AGBL4: variants seen among roughly 807,000 people sequenced by gnomAD.
AGBL4 encodes the protein cytosolic carboxypeptidase 6.
Under a neutral mutation model 66.4 loss-of-function variants are expected in AGBL4, and 58 were observed. The observed-to-expected ratio is 0.87, with a 90% confidence interval of 0.71 to 1.09. The LOEUF (loss-of-function observed/expected upper bound fraction) is 1.09, where lower values mean the gene tolerates loss of function less well. AGBL4 is among the 50% of genes least tolerant of loss of function. The probability of loss-of-function intolerance (pLI) is 0.00; values close to 1 mark genes in which losing one functional copy is unlikely to be tolerated. For missense variants in AGBL4, 579 were observed against 631.0 expected (o/e 0.92, Z 0.88); for synonymous variants, 234 against 222.9 (o/e 1.05, Z -0.44).
intron 6 of AGBL4, among the ~76,000 whole-genome samples, chr1:48,763,221 C>T (rs75373427): frequency 3.9e-5 from 6 of 152,190 alleles, no homozygotes; most frequent in East Asian, 1.9e-4. Context: ...CTGATGAAAA[C>T]GGCCTTTCCC....
chr1:48,586,323 A>G (rs1223986484), intron 11 of AGBL4: 1 of 152,292 alleles, frequency 6.6e-6, no homozygotes, highest in African/African-American at 2.4e-5. Flanking sequence ...AGAAAGATGC[A>G]CAGAGGATGA....
intron 4 of AGBL4, among the ~76,000 whole-genome samples, chr1:49,062,080 T>C (rs763152058): frequency 1.3e-5 from 2 of 152,094 alleles, no homozygotes; most frequent in Admixed American, 6.6e-5. Context: ...GGGATCTAGA[T>C]TGCACTCTCC....
At chr1:48,647,079 G>A (rs911579427) in intron 8 of AGBL4, among the ~76,000 whole-genome samples, 1 of 152,122 alleles carries the variant, frequency 6.6e-6, no homozygotes, top group African/African-American at 2.4e-5. Context: ...TAGTTATACT[G>A]GATTTACTGC....
intron 3 of AGBL4, among the ~76,000 whole-genome samples, chr1:49,622,892 T>C (rs915275643): frequency 1.3e-5 from 2 of 152,172 alleles, no homozygotes; most frequent in Non-Finnish European, 2.9e-5. Context: ...ATGAATTCTT[T>C]TTTATGCTCC....
intron 8 of AGBL4, among the ~76,000 whole-genome samples, 180 bp downstream of exon 8, chr1:48,653,157 T>A (rs963687993): frequency 1.3e-5 from 2 of 152,240 alleles, no homozygotes; most frequent in African/African-American, 4.8e-5. Context: ...CTTAGGTGGC[T>A]GTGCATGAAA....
At chr1:48,780,257 C>T (rs12723941) in intron 6 of AGBL4, among the ~76,000 whole-genome samples, 11,218 of 143,488 alleles carry the variant, frequency 0.078, 612 homozygotes, top group East Asian at 0.32. Flanking sequence ...CATTGTTCAC[C>T]TCCCACTTAT....
At chr1:48,729,538 A>C (rs921230606) in intron 6 of AGBL4, among the ~76,000 whole-genome samples, 1 of 152,168 alleles carries the variant, frequency 6.6e-6, no homozygotes, top group Middle Eastern at 3.2e-3. Flanking sequence ...AGAGATGCAG[A>C]ATATCAACAC....
chr1:48,802,273 T>C (rs1046135465), intron 6 of AGBL4, among the ~76,000 whole-genome samples: 1 of 152,206 alleles, frequency 6.6e-6, no homozygotes, highest in African/African-American at 2.4e-5. Context: ...AAGTCTTTCT[T>C]AACCTTCAAG....
At position 48,656,662 on chromosome 1, in the gene AGBL4, C is replaced by T. The variant is rs539396319; in HGVS notation, c.725-3211G>A. Among the ~76,000 whole-genome samples the T allele has an allele frequency of 2.9e-4, 44 of 152,280 alleles. No homozygotes were observed. In the South Asian group the frequency reaches 3.3e-3, roughly 11 times the overall value. ...TGCAGCCATAAAAAGAATAAAATCA[C>T]GTCCTTTTCAGCAACATGGATGCAG... is the stretch of plus-strand genomic sequence containing the variant. On this transcript the variant is annotated intron_variant, in intron 7 of 13. Transcript: ENST00000371839.
At chr1:49,522,057 C>A (rs1192191072) in intron 3 of AGBL4, among the ~76,000 whole-genome samples, 1 of 152,074 alleles carries the variant, frequency 6.6e-6, no homozygotes, top group African/African-American at 2.4e-5. Context: ...CCCTCTGAAT[C>A]TAAAATAAAA....
intron 4 of AGBL4, among the ~76,000 whole-genome samples, chr1:49,181,371 C>T (rs1646928388): frequency 6.6e-6 from 1 of 152,160 alleles, no homozygotes; most frequent in Admixed American, 6.6e-5. Context: ...CACTTGGCAT[C>T]AGAGCTGCAT....
intron 4 of AGBL4, among the ~76,000 whole-genome samples, chr1:49,109,864 T>A (rs550826666): frequency 9.9e-5 from 15 of 152,140 alleles, no homozygotes; most frequent in African/African-American, 3.6e-4. Flanking sequence ...TTTTAGCAAA[T>A]AGAACAATGC....
At chr1:48,649,533 T>C (rs920789951) in intron 8 of AGBL4, among the ~76,000 whole-genome samples, 1 of 152,256 alleles carries the variant, frequency 6.6e-6, no homozygotes, top group Non-Finnish European at 1.5e-5. Flanking sequence ...CTGTAAACCA[T>C]AGTCTGGTAT....
chr1:48,963,233 CA>C (rs1212913235), intron 5 of AGBL4, among the ~76,000 whole-genome samples: 1 of 151,886 alleles, frequency 6.6e-6, no homozygotes, highest in African/African-American at 2.4e-5. Context: ...ACTCTCCTGA[CA>C]ACAGCCTTAA....
chr1:48,788,533 T>A (rs1205630893), intron 6 of AGBL4, among the ~76,000 whole-genome samples: 1 of 152,236 alleles, frequency 6.6e-6, no homozygotes, highest in African/African-American at 2.4e-5. Context: ...TTTAAAATCA[T>A]GATCAGATAT....
chr1:49,362,053 A>C (rs1644147429), intron 3 of AGBL4, among the ~76,000 whole-genome samples: 1 of 152,164 alleles, frequency 6.6e-6, no homozygotes, highest in Non-Finnish European at 1.5e-5. Flanking sequence ...TTGGATGCTA[A>C]GGACAAAAAA....
rs926573000 is a variant in AGBL4 at position 48,532,991 on chromosome 1, A to T, written c.*1182T>A. ...TGAAAACTAGCATGCAAAGGAGAAC[A>T]AGTTTTCTTTTTGATTTTTGTAGCA... is the stretch of plus-strand genomic sequence containing the variant. On this transcript the variant is annotated 3_prime_UTR_variant, in exon 14 of 14. Transcript: ENST00000371839. 1 of 152,278 alleles carries T rather than the reference A, an allele frequency of 6.6e-6. No homozygotes were observed. Among genetic ancestry groups the T allele is most frequent in the African/African-American group, 2.4e-5 (1 of 41,432 alleles). 9.4% of individuals were successfully genotyped at this position (152,278 alleles called of 1,614,324 possible).
intron 7 of AGBL4, among the ~76,000 whole-genome samples, chr1:48,657,808 T>C (rs1054083308): frequency 1.3e-5 from 2 of 152,136 alleles, no homozygotes; most frequent in Non-Finnish European, 2.9e-5. Context: ...GGCCTCAAAA[T>C]AGAAACTGAA....
At chr1:49,295,868 T>G (rs1431987103) in intron 3 of AGBL4, among the ~76,000 whole-genome samples, 1 of 152,146 alleles carries the variant, frequency 6.6e-6, no homozygotes, top group African/African-American at 2.4e-5. Flanking sequence ...TTTACTGCAA[T>G]TCTAACTCTG....
Sources: gnomAD v4.1 joint callset for allele counts (sites outside exome capture counted in the v4.1 genomes callset) on GRCh38, gnomAD v4.1.1 for gene constraint, MANE v1.5 for transcripts, NCBI Gene and HGNC (gene_info 2026-07-23, HGNC 2026-07-21) for gene names.